MAML2: variants seen among roughly 807,000 people sequenced by gnomAD.
MAML2 encodes mastermind-like protein 2.
MAML2 carries 22 observed loss-of-function variants against 96.1 expected under a neutral mutation model. The observed-to-expected ratio is 0.23, with a 90% CI of 0.16 to 0.33. The LOEUF (loss-of-function observed/expected upper bound fraction) is 0.33. Ranked by LOEUF, MAML2 falls within the 10% of genes least tolerant of loss-of-function variation. The pLI, the probability that MAML2 is intolerant of heterozygous loss-of-function variation, is 1.00. For synonymous variants in MAML2, 561 were observed against 521.3 expected, an observed-to-expected ratio of 1.08 and a Z score of -1.04; for missense variants, 1,367 against 1,392.4, an observed-to-expected ratio of 0.98 and a Z score of 0.29.
intron 2 of MAML2, among the ~76,000 whole-genome samples, chr11:96,011,638 C>T (rs73521622): frequency 0.017 from 2,543 of 152,106 alleles, 70 homozygotes; most frequent in African/African-American, 0.058. Flanking sequence ...ATTTGGGTGA[C>T]GGGATCAATA....
intron 3 of MAML2, among the ~76,000 whole-genome samples, chr11:95,990,676 A>T (rs902279977): frequency 1.4e-4 from 21 of 152,256 alleles, no homozygotes; most frequent in Admixed American, 6.5e-5. Context: ...TTACTGAATA[A>T]TTATAGCACT....
intron 1 of MAML2, among the ~76,000 whole-genome samples, chr11:96,339,803 C>A (rs556672543): frequency 6.6e-6 from 1 of 152,166 alleles, no homozygotes; most frequent in African/African-American, 2.4e-5. Context: ...TTCTTTACCC[C>A]CCTCCTTTAC....
At chr11:96,090,730 T>C (rs954229853) in intron 2 of MAML2, among the ~76,000 whole-genome samples, 3 of 152,216 alleles carry the variant, frequency 2.0e-5, no homozygotes, top group African/African-American at 7.2e-5. Flanking sequence ...CTGTGCTTAG[T>C]GCATAACTTT....
chr11:96,073,321 C>CTTTT (rs57220287), intron 2 of MAML2, among the ~76,000 whole-genome samples: 31 of 108,108 alleles, frequency 2.9e-4, no homozygotes, highest in South Asian at 6.4e-4. Flanking sequence ...CTTTTCTTTT[C>CTTTT]TTTTTTTTTT....
intron 1 of MAML2, among the ~76,000 whole-genome samples, chr11:96,304,748 G>A (rs541292436): frequency 1.3e-5 from 2 of 152,250 alleles, no homozygotes; most frequent in South Asian, 4.1e-4. Flanking sequence ...ACAGCTAACT[G>A]CATAAAGTGC....
intron 1 of MAML2, among the ~76,000 whole-genome samples, chr11:96,198,485 C>T (rs1022370160): frequency 2.6e-5 from 4 of 152,184 alleles, no homozygotes; most frequent in Admixed American, 1.3e-4. Context: ...TGATATGGTC[C>T]ATTCAAGTTT....
intron 1 of MAML2, among the ~76,000 whole-genome samples, chr11:96,117,238 C>T (rs1338985648): frequency 1.6e-4 from 24 of 151,002 alleles, no homozygotes; most frequent in Admixed American, 1.6e-3. Flanking sequence ...ATTACCTTCA[C>T]AAAGCAACTG....
intron 1 of MAML2, among the ~76,000 whole-genome samples, chr11:96,243,896 C>T (rs1862475607): frequency 6.6e-6 from 1 of 152,204 alleles, no homozygotes; most frequent in Non-Finnish European, 1.5e-5. Context: ...CCATCTTGGC[C>T]TCCCAAAGTG....
intron 1 of MAML2, 96 bp from the exon 2 acceptor site, chr11:96,093,613 T>C: frequency 1.1e-6 from 1 of 924,342 alleles, no homozygotes; most frequent in South Asian, 1.8e-5. Flanking sequence ...GTTTCTTCTA[T>C]TTACACACAA....
chr11:96,184,780 G>A (rs988284733), intron 1 of MAML2, among the ~76,000 whole-genome samples: 2 of 151,818 alleles, frequency 1.3e-5, no homozygotes, highest in Admixed American at 6.6e-5. Context: ...TAGTAGAGAC[G>A]GGGTTTCACC....
intron 2 of MAML2, among the ~76,000 whole-genome samples, chr11:96,022,196 T>C (rs1858446301): frequency 6.6e-6 from 1 of 152,200 alleles, no homozygotes; most frequent in African/African-American, 2.4e-5. Context: ...TTCATTTTGC[T>C]CATAACAGTA....
intron 1 of MAML2, among the ~76,000 whole-genome samples, chr11:96,257,797 G>A (rs919589074): frequency 6.6e-6 from 1 of 152,164 alleles, no homozygotes; most frequent in African/African-American, 2.4e-5. Flanking sequence ...GGGAAGAAGA[G>A]GAGAGACGAG....
At chr11:96,011,837 A>G (rs1858272122) in intron 2 of MAML2, among the ~76,000 whole-genome samples, 1 of 152,188 alleles carries the variant, frequency 6.6e-6, no homozygotes, top group Admixed American at 6.5e-5. Flanking sequence ...CACCTCTCAC[A>G]TGAGTTGGTG....
At position 96,152,541 on chromosome 11, in the gene MAML2, G is replaced by A. The variant is rs973271336; in HGVS notation, c.514-59024C>T. The stretch of plus-strand genomic sequence containing the variant: ...TTCTCTCTTTTCTTCCAACTAAAGC[G>A]AGGGACCGTGGGGGCTAGCCATAAA... On this transcript the variant is annotated intron_variant, in intron 1 of 4. Coordinates refer to ENST00000524717, the MANE Select transcript of MAML2 (RefSeq NM_032427.4). Among the ~76,000 whole-genome samples the A allele has an allele frequency of 3.3e-5, 5 of 152,234 alleles. 1 individual carries two copies. Among genetic ancestry groups the A allele is most frequent in the Middle Eastern group, 6.8e-3 (2 of 294 alleles).
At chr11:96,281,555 T>C (rs1863065983) in intron 1 of MAML2, among the ~76,000 whole-genome samples, 2 of 152,186 alleles carry the variant, frequency 1.3e-5, no homozygotes, top group African/African-American at 4.8e-5. Context: ...TTTCCCTGTT[T>C]GTCAGCTGAG....
At chr11:95,988,165 AAGAG>A (rs1249408952) in intron 3 of MAML2, among the ~76,000 whole-genome samples, 1 of 145,466 alleles carries the variant, frequency 6.9e-6, no homozygotes, top group Admixed American at 6.9e-5. Flanking sequence ...GTGAGAGAGA[AAGAG>A]AGAGATAAAG....
At chr11:96,241,857 C>G (rs1029170021) in intron 1 of MAML2, among the ~76,000 whole-genome samples, 4 of 152,078 alleles carry the variant, frequency 2.6e-5, no homozygotes, top group African/African-American at 9.7e-5. Flanking sequence ...ATCTAAGTAT[C>G]GTTCTGGTTT....
intron 2 of MAML2, among the ~76,000 whole-genome samples, chr11:96,061,338 G>C (rs1402518730): frequency 6.6e-6 from 1 of 152,166 alleles, no homozygotes; most frequent in Non-Finnish European, 1.5e-5. Context: ...TTGGGTGAAG[G>C]ACAGAAGTTC....
intron 1 of MAML2, among the ~76,000 whole-genome samples, chr11:96,292,475 A>T (rs1288467179): frequency 6.6e-6 from 1 of 152,332 alleles, no homozygotes; most frequent in African/African-American, 2.4e-5. Context: ...CATTTTACAG[A>T]TGATGAAACT....
Sources: allele counts gnomAD v4.1 joint callset (sites outside exome capture counted in the v4.1 genomes callset), GRCh38; gene constraint gnomAD v4.1.1; transcripts MANE v1.5; gene names NCBI Gene and HGNC (gene_info 2026-07-23, HGNC 2026-07-21).